The following NRIP1 variants were observed in gnomAD, a reference collection of about 807,000 sequenced individuals.
NRIP1 encodes nuclear receptor-interacting protein 1.
Under a neutral mutation model 75.0 loss-of-function variants are expected in NRIP1, and 28 were observed. The ratio of observed to expected loss-of-function variants is 0.37; its 90% CI spans 0.28 to 0.51. The LOEUF (loss-of-function observed/expected upper bound fraction) is 0.51. NRIP1 is among the 20% of genes least tolerant of loss of function. The pLI is 0.92. For missense variants in NRIP1, 1,435 were observed against 1,343.7 expected, an observed-to-expected ratio of 1.07 and a Z score of -1.06; for synonymous variants, 526 against 487.6, an observed-to-expected ratio of 1.08 and a Z score of -1.04.
At position 15,056,969 on chromosome 21, in the gene NRIP1, T is replaced by G. The variant is rs979691909; in HGVS notation, c.-538+7776A>C. Among the ~76,000 whole-genome samples, 11 of 152,328 alleles carry G rather than the reference T, an allele frequency of 7.2e-5. 1 individual carries two copies. The highest frequency in any genetic ancestry group is 4.6e-4 in the Admixed American group (7 of 15,300). The stretch of plus-strand genomic sequence containing the variant: ...GGTATGTACTTAAAAATGTACTATG[T>G]GCCACAAAGCTCCCCCACTCAACAA... On this transcript the variant is annotated intron_variant, in intron 1 of 3. Coordinates refer to ENST00000318948, the MANE Select transcript of NRIP1 (RefSeq NM_003489.4).
chr21:15,060,657 T>C (rs1454730446), intron 1 of NRIP1, among the ~76,000 whole-genome samples: 1 of 152,086 alleles, frequency 6.6e-6, no homozygotes, highest in Non-Finnish European at 1.5e-5. Flanking sequence ...ATCCTCTACT[T>C]TAAAGATATC....
intron 3 of NRIP1, among the ~76,000 whole-genome samples, chr21:15,000,341 C>T (rs1024808045): frequency 2.0e-5 from 3 of 152,140 alleles, no homozygotes; most frequent in African/African-American, 7.2e-5. Context: ...ATTCCTTATT[C>T]ATGTGTTCAA....
chr21:14,994,647 A>G (rs2087671235), intron 3 of NRIP1, among the ~76,000 whole-genome samples: 1 of 152,174 alleles, frequency 6.6e-6, no homozygotes, highest in South Asian at 2.1e-4. Flanking sequence ...GTCAACTGCA[A>G]ACGATATACA....
At chr21:15,006,561 G>A (rs2087977312) in intron 3 of NRIP1, among the ~76,000 whole-genome samples, 1 of 152,154 alleles carries the variant, frequency 6.6e-6, no homozygotes, top group South Asian at 2.1e-4. Context: ...TATAAGGTAT[G>A]TCATGATTAG....
intron 1 of NRIP1, among the ~76,000 whole-genome samples, chr21:15,052,548 T>C (rs1320720022): frequency 1.3e-5 from 2 of 152,156 alleles, no homozygotes. Flanking sequence ...CAACCACAGT[T>C]TTCCCCCGCG....
At chr21:14,988,499 A>ATGTG (rs368052539) in intron 3 of NRIP1, among the ~76,000 whole-genome samples, 260 of 131,442 alleles carry the variant, frequency 2.0e-3, no homozygotes, top group African/African-American at 7.1e-3. Flanking sequence ...GTATATATAT[A>ATGTG]TGTGTGTGTG....
At chr21:14,973,865 G>A (rs1331758129) in intron 3 of NRIP1, among the ~76,000 whole-genome samples, 1 of 111,206 alleles carries the variant, frequency 9.0e-6, no homozygotes, top group Non-Finnish European at 1.8e-5. Flanking sequence ...TTTTTTTCCT[G>A]TGGAGATGGG....
chr21:14,967,168 C>T lies in NRIP1; in HGVS notation c.1025G>A (p.Ser342Asn). 1 of 1,614,114 alleles carries T rather than the reference C, an allele frequency of 6.2e-7. No homozygotes were observed. The highest frequency in any genetic ancestry group is 1.1e-5 in the South Asian group (1 of 91,086). ...SSSKLMASKS[S>N]ATVFQNPMGI... ...CATTGGATTTTGAAACACTGTAGCA[C>T]TACTTTTGCTAGCCATCAGTTTGCT... The change falls in exon 4 of 4, where the codon AGT becomes AAT. Residue 342 changes from serine (S) to asparagine (N), a missense_variant. Transcript: ENST00000318948.
intron 2 of NRIP1, among the ~76,000 whole-genome samples, chr21:15,021,965 T>C (rs1177981223): frequency 3.3e-5 from 5 of 152,126 alleles, no homozygotes; most frequent in East Asian, 3.9e-4. Flanking sequence ...AGTTCAACCA[T>C]TGTGGAAGAC....
At chr21:14,981,236 T>A (rs541604263) in intron 3 of NRIP1, among the ~76,000 whole-genome samples, 2 of 152,364 alleles carry the variant, frequency 1.3e-5, no homozygotes, top group East Asian at 1.9e-4. Flanking sequence ...CAGCACACCA[T>A]CAGCAGGCCA....
intron 2 of NRIP1, among the ~76,000 whole-genome samples, chr21:15,040,939 G>GT (rs1568724403): frequency 6.6e-6 from 1 of 151,994 alleles, no homozygotes; most frequent in Non-Finnish European, 1.5e-5. Context: ...TAAAAGCACT[G>GT]TAAGTACCTA....
At chr21:15,015,242 T>C (rs574726536) in intron 2 of NRIP1, among the ~76,000 whole-genome samples, 20 of 152,172 alleles carry the variant, frequency 1.3e-4, no homozygotes, top group Admixed American at 1.0e-3. Flanking sequence ...TGAAAGAAAA[T>C]AGATCAGTGA....
At chr21:15,033,148 C>G (rs1038305783) in intron 2 of NRIP1, among the ~76,000 whole-genome samples, 39 of 150,188 alleles carry the variant, frequency 2.6e-4, no homozygotes, top group Non-Finnish European at 5.6e-4. Flanking sequence ...TGGCGTGAAC[C>G]TGGGAGGCAG....
At chr21:15,057,937 A>C (rs2089341561) in intron 1 of NRIP1, among the ~76,000 whole-genome samples, 1 of 152,194 alleles carries the variant, frequency 6.6e-6, no homozygotes. Context: ...CTCCCAACAA[A>C]ACAGGAAAAG....
chr21:14,994,304 T>C (rs1365250991), intron 3 of NRIP1, among the ~76,000 whole-genome samples: 1 of 152,194 alleles, frequency 6.6e-6, no homozygotes, highest in African/African-American at 2.4e-5. Flanking sequence ...TTTGTATTTT[T>C]AGTAGAGACG....
At chr21:15,009,723 G>T (rs1220726783) in intron 3 of NRIP1, among the ~76,000 whole-genome samples, 2 of 152,096 alleles carry the variant, frequency 1.3e-5, no homozygotes, top group African/African-American at 4.8e-5. Flanking sequence ...TGCCAGTAAT[G>T]ACAAACTTTT....
chr21:14,977,313 T>C (rs2146991787), intron 3 of NRIP1, among the ~76,000 whole-genome samples: 1 of 152,328 alleles, frequency 6.6e-6, no homozygotes, highest in East Asian at 1.9e-4. Context: ...GAACTCTCGT[T>C]GTTCTCCAAA....
chr21:14,987,026 C>A lies in NRIP1; in HGVS notation c.-334-18500G>T, dbSNP rs970941426. 2.6e-5 allele frequency among the ~76,000 whole-genome samples: 4 copies of A among 152,076 alleles called. No homozygotes were observed. In the East Asian group the frequency reaches 7.7e-4, roughly 29 times the overall value. ...CAATCATCCTGTCTGATGCTTAATC[C>A]CCTTTATAACCCATTTGCTATCTCT... On this transcript the variant is annotated intron_variant, in intron 3 of 3. Transcript: ENST00000318948.
chr21:14,973,769 T>G (rs148102235), intron 3 of NRIP1, among the ~76,000 whole-genome samples: 185 of 151,170 alleles, frequency 1.2e-3, no homozygotes, highest in African/African-American at 4.4e-3. Flanking sequence ...CTCAGCCTCC[T>G]GGACTCAAGG....
Sources: gnomAD v4.1 joint callset for allele counts (sites outside exome capture counted in the v4.1 genomes callset) on GRCh38, gnomAD v4.1.1 for gene constraint, MANE v1.5 for transcripts, NCBI Gene and HGNC (gene_info 2026-07-23, HGNC 2026-07-21) for gene names.